The following ACSM2A variants were observed in gnomAD, a reference collection of about 807,000 sequenced individuals.
ACSM2A encodes the protein acyl-CoA synthetase medium chain family member 2A.
Under a neutral mutation model 76.6 loss-of-function variants are expected in ACSM2A, and 72 were observed. That is an observed-to-expected ratio of 0.94 (90% CI 0.78 to 1.14). The LOEUF is 1.14. ACSM2A is among the 50% of genes most tolerant of loss of function. The pLI is 0.00. For missense variants in ACSM2A, 684 were observed against 708.5 expected (o/e 0.97, Z 0.39); for synonymous variants, 249 against 255.9 (o/e 0.97, Z 0.26).
intron 5 of ACSM2A, 118 bp downstream of exon 5, chr16:20,471,334 C>G: frequency 1.3e-6 from 2 of 1,511,700 alleles, no homozygotes; most frequent in East Asian, 2.3e-5. Flanking sequence ...GAACATTCAT[C>G]TCCTGTTGAT....
Position 20,480,574 on chromosome 16 carries a change from A to G in ACSM2A, c.1283A>G (p.Asp428Gly). ...RPIGIFSGYV[D>G]NPDKTAANIR... Reference sequence around the variant, plus strand: ...ACTCTGTCTTTCTGTGGTCACCAGGACAATCCCGACAAGACAGCAGCCAAC... The same window carrying G: ...ACTCTGTCTTTCTGTGGTCACCAGGGCAATCCCGACAAGACAGCAGCCAAC... The change falls in exon 11 of 14, where the codon GAC becomes GGC. Residue 428 changes from aspartate (D) to glycine (G), a missense_variant and splice_region_variant. Transcript: ENST00000573854. The G allele has an allele frequency of 6.2e-7, 1 of 1,613,868 alleles. No individual in the cohort carries two copies. The highest frequency in any genetic ancestry group is 8.5e-7 in the Non-Finnish European group (1 of 1,179,802).
rs111282275 is a variant in ACSM2A, at chr16:20,459,163, G to C, written c.-8-944G>C. 7.4e-3 allele frequency among the ~76,000 whole-genome samples: 1,127 copies of C among 151,926 alleles called. 14 individuals are homozygous for C. Among genetic ancestry groups the C allele is most frequent in the African/African-American group, 0.026 (1,093 of 41,448 alleles). On this transcript the variant is annotated intron_variant, in intron 1 of 13. Transcript: ENST00000573854. ...GACTTGGGGGAAATGATGGGAAGGAGGTGAGGAATAAAAGGGTACAAAGTG... is the reference window on the plus strand; with the variant it reads ...GACTTGGGGGAAATGATGGGAAGGACGTGAGGAATAAAAGGGTACAAAGTG...
intron 2 of ACSM2A, among the ~76,000 whole-genome samples, chr16:20,461,030 G>A (rs979474491): frequency 3.2e-4 from 44 of 138,504 alleles, no homozygotes; most frequent in Non-Finnish European, 6.4e-4. Flanking sequence ...AGCCCTGAGC[G>A]TCTAGAATTT....
At chr16:20,464,968 A>T (rs1402664192) in intron 2 of ACSM2A, among the ~76,000 whole-genome samples, 1 of 151,244 alleles carries the variant, frequency 6.6e-6, no homozygotes, top group Non-Finnish European at 1.5e-5. Flanking sequence ...AAATTAAAAA[A>T]AGTAAATAGA....
chr16:20,478,193 GCC>G (rs1237643401), intron 9 of ACSM2A, among the ~76,000 whole-genome samples: 2 of 152,290 alleles, frequency 1.3e-5, no homozygotes, highest in East Asian at 1.9e-4. Context: ...AAGCACTGAA[GCC>G]CAGAGTTTAA....
chr16:20,452,545 AG>A (rs1395454164), intron 1 of ACSM2A: 2 of 123,050 alleles, frequency 1.6e-5, no homozygotes, highest in African/African-American at 3.4e-5. Flanking sequence ...GTTAATACTT[AG>A]TAAACTCATA....
rs1315642908 is a variant in ACSM2A at position 20,486,768 on chromosome 16, C to T, written c.*90C>T. ...GGCCTTCCTATGATTATATGAGATT[C>T]TTTATGGAAGAACATGAATATAAGT... On this transcript the variant is annotated 3_prime_UTR_variant, in exon 14 of 14. Transcript: ENST00000573854. 4 of 1,421,194 alleles carry T rather than the reference C, an allele frequency of 2.8e-6. No individual in the cohort carries two copies. The African/African-American group carries it at 5.7e-5, about 20-fold the overall frequency. 88.0% of individuals were successfully genotyped at this position (1,421,194 alleles called of 1,614,324 possible).
chr16:20,472,052 T>G (rs1436650065), intron 6 of ACSM2A, among the ~76,000 whole-genome samples: 1 of 151,736 alleles, frequency 6.6e-6, no homozygotes, highest in Non-Finnish European at 1.5e-5. Context: ...CTCTCATGAG[T>G]GTGTGTGTGT....
intron 9 of ACSM2A, 44 bp from the exon 10 acceptor site, chr16:20,478,532 C>G (rs750737941): frequency 5.6e-6 from 9 of 1,598,074 alleles, no homozygotes; most frequent in Non-Finnish European, 7.7e-6. Context: ...TTGAAGCCAT[C>G]TCCTGCTGTG....
intron 9 of ACSM2A, among the ~76,000 whole-genome samples, chr16:20,478,362 C>T (rs2013874599): frequency 6.6e-6 from 1 of 152,178 alleles, no homozygotes; most frequent in African/African-American, 2.4e-5. Context: ...CTCATCTGGG[C>T]CAGTCTCAAT....
chr16:20,472,046 C>T (rs1163139876), intron 6 of ACSM2A, among the ~76,000 whole-genome samples: 2 of 152,102 alleles, frequency 1.3e-5, no homozygotes, highest in East Asian at 3.8e-4. Context: ...ATCTCGCTCT[C>T]ATGAGTGTGT....
rs1418371022 is a variant in ACSM2A, at chr16:20,483,341, G to A, written c.1629+164G>A. 7.2e-5 allele frequency among the ~76,000 whole-genome samples: 11 copies of A among 151,918 alleles called. No homozygotes were observed. The East Asian group carries it at 7.8e-4, about 11-fold the overall frequency. ...TCCCAGCACTTTGGGAGGCTGAGGC[G>A]GGTGGATCACCTGAGGTCAGGAGTT... On this transcript the variant is annotated intron_variant, in intron 13 of 13. Coordinates refer to ENST00000573854, the MANE Select transcript of ACSM2A (RefSeq NM_001308172.2).
At position 20,465,576 on chromosome 16, in the gene ACSM2A, A is replaced by C. The variant is rs754851535; in HGVS notation, c.237A>C (p.Leu79Phe). ...LWWVNGKGKE[L>F]MWNFRELSEN... is the part of the protein sequence containing the mutation. ...GGGTGAATGGGAAGGGGAAGGAATTAATGTGGAATTTCAGAGAACTGAGTG... is the reference window on the plus strand; with the variant it reads ...GGGTGAATGGGAAGGGGAAGGAATTCATGTGGAATTTCAGAGAACTGAGTG... Residue 79 changes from leucine to phenylalanine, a missense_variant, in exon 3 of 14, where the codon TTA (leucine) becomes TTC (phenylalanine). Leu to Phe is a conservative substitution (Grantham distance 22, BLOSUM62 0). Coordinates refer to ENST00000573854, the MANE Select transcript of ACSM2A (RefSeq NM_001308172.2). 1.6e-5 allele frequency: 26 copies of C among 1,613,830 alleles called. No homozygotes were observed. In the Admixed American group the frequency reaches 4.3e-4, roughly 27 times the overall value.
At chr16:20,469,410 C>A (rs941206095) in intron 3 of ACSM2A, 102 bp from the exon 4 acceptor site, 1 of 1,554,386 alleles carries the variant, frequency 6.4e-7, no homozygotes, top group Non-Finnish European at 8.7e-7. Flanking sequence ...ACTTCCTCAT[C>A]CTCTCCTTCC....
In ACSM2A at chr16:20,480,275, T is replaced by A. The variant is rs181839499; in HGVS notation, c.1282-298T>A. Among the ~76,000 whole-genome samples the A allele has an allele frequency of 3.9e-5, 6 of 152,244 alleles. No individual in the cohort carries two copies. In the East Asian group the frequency reaches 1.2e-3, roughly 29 times the overall value. On this transcript the variant is annotated intron_variant, in intron 10 of 13. Transcript: ENST00000573854. Reference sequence around the variant, plus strand: ...ATTAGGATATCTATGAAAGGAGAGATGGAATCAATTGGGGAAAATGCCCTA... The same window carrying A: ...ATTAGGATATCTATGAAAGGAGAGAAGGAATCAATTGGGGAAAATGCCCTA...
At chr16:20,452,962 G>T (rs1596633532) in intron 1 of ACSM2A, among the ~76,000 whole-genome samples, 1 of 152,100 alleles carries the variant, frequency 6.6e-6, no homozygotes, top group African/African-American at 2.4e-5. Context: ...GAAGCTGGTT[G>T]GTTGCTCCTA....
intron 3 of ACSM2A, among the ~76,000 whole-genome samples, chr16:20,466,812 T>G (rs1413386301): frequency 6.6e-6 from 1 of 152,192 alleles, no homozygotes; most frequent in South Asian, 2.1e-4. Context: ...CATAATGATG[T>G]AATCTATAGG....
intron 4 of ACSM2A, among the ~76,000 whole-genome samples, 176 bp downstream of exon 4, chr16:20,469,895 T>G (rs2013278779): frequency 7.1e-6 from 1 of 141,612 alleles, no homozygotes; most frequent in South Asian, 2.5e-4. Flanking sequence ...TTTTTTTTTT[T>G]TCAAATCATT....
chr16:20,468,615 C>G (rs112323080), intron 3 of ACSM2A, among the ~76,000 whole-genome samples: 2 of 152,178 alleles, frequency 1.3e-5, no homozygotes, highest in African/African-American at 4.8e-5. Flanking sequence ...CCTCCTTGGC[C>G]TCCCAAAATG....
Sources: gnomAD v4.1 joint callset for allele counts (sites outside exome capture counted in the v4.1 genomes callset) on GRCh38, gnomAD v4.1.1 for gene constraint, MANE v1.5 for transcripts, NCBI Gene and HGNC (gene_info 2026-07-23, HGNC 2026-07-21) for gene names.